KCNAB2: variants seen among roughly 807,000 people sequenced by gnomAD.
KCNAB2 encodes the protein voltage-gated potassium channel subunit beta-2.
In KCNAB2, 29 loss-of-function variants were observed where a neutral mutation model predicts 63.6. The observed-to-expected ratio is 0.46, with a 90% CI of 0.34 to 0.62. The LOEUF (loss-of-function observed/expected upper bound fraction) is 0.62. Ranked by LOEUF, KCNAB2 falls within the 20% of genes least tolerant of loss-of-function variation. KCNAB2 has a pLI of 0.01. For synonymous variants in KCNAB2, 222 were observed against 224.2 expected (o/e 0.99, Z 0.09); for missense variants, 359 against 563.9 (o/e 0.64, Z 3.68).
At chr1:6,050,474 A>G (rs914865407) in intron 1 of KCNAB2, among the ~76,000 whole-genome samples, 2 of 152,172 alleles carry the variant, frequency 1.3e-5, no homozygotes, top group African/African-American at 4.8e-5. Flanking sequence ...GGCTGCCCTC[A>G]CTGGTCCACT....
chr1:6,086,183 G>T lies in KCNAB2; in HGVS notation c.425+935G>T. The T allele has an allele frequency of 1.0e-6, 1 of 985,320 alleles. No homozygotes were observed. Among genetic ancestry groups the T allele is most frequent in the Non-Finnish European group, 1.2e-6 (1 of 829,880 alleles). The allele number at this position is 985,320 out of a possible 1,614,324, so 61.0% of individuals were successfully genotyped here. On this transcript the variant is annotated intron_variant, in intron 6 of 15. Coordinates refer to ENST00000378083, the MANE Select transcript of KCNAB2 (RefSeq NM_001199862.2). The surrounding 1 kb of genome is among the most constrained non-coding windows in gnomAD (Gnocchi z 4.2). ...AAACATCAGAAGCAGTTATAAAGTT[G>T]GGCCTCCCTCCTCCCTCCCCTCGAA...
chr1:5,994,375 C>T lies in KCNAB2; in HGVS notation c.-53+1587C>T, dbSNP rs1656812781. ...TGTGCAGCTCCTGGCCCTGTGCTCT[C>T]GCAGTGTGGGGCCCTAAGAGTGCAC... is the stretch of plus-strand genomic sequence containing the variant. On this transcript the variant is annotated intron_variant, in intron 1 of 16. Transcript: ENST00000341524. The surrounding 1 kb of genome is among the most constrained non-coding windows in gnomAD (Gnocchi z 5.4). Among the ~76,000 whole-genome samples, 1 of 152,230 alleles carries T rather than the reference C, an allele frequency of 6.6e-6. No individual in the cohort carries two copies. Among genetic ancestry groups the T allele is most frequent in the African/African-American group, 2.4e-5 (1 of 41,448 alleles).
rs1303009489 is a variant in KCNAB2 at position 6,087,556 on chromosome 1, C to T, written c.470+45C>T. 1.2e-6 allele frequency: 2 copies of T among 1,602,766 alleles called. No homozygotes were observed. The highest frequency in any genetic ancestry group is 1.7e-5 in the Admixed American group (1 of 59,950). ...ATGCTTCCAGCCCCGGCCCAGCAGC[C>T]ACGGCCCCGTGCTCCCCAGAGACCC... is the stretch of plus-strand genomic sequence containing the variant. On this transcript the variant is annotated intron_variant, in intron 7 of 15. Coordinates refer to ENST00000378083, the MANE Select transcript of KCNAB2 (RefSeq NM_001199862.2). The surrounding 1 kb of genome is among the most constrained non-coding windows in gnomAD (Gnocchi z 6.4).
At chr1:6,064,071 T>C (rs1662544290) in intron 2 of KCNAB2, among the ~76,000 whole-genome samples, 1 of 152,186 alleles carries the variant, frequency 6.6e-6, no homozygotes, top group African/African-American at 2.4e-5. Context: ...TGCCAGCCTT[T>C]GTGGGATCCG....
intron 1 of KCNAB2, among the ~76,000 whole-genome samples, chr1:6,016,175 T>G (rs934279757): frequency 6.6e-6 from 1 of 152,196 alleles, no homozygotes. Flanking sequence ...TGCTGCCTGC[T>G]GACAGCTTCA....
chr1:6,094,195 T>C (rs923879445), intron 10 of KCNAB2, among the ~76,000 whole-genome samples: 6 of 152,130 alleles, frequency 3.9e-5, no homozygotes, highest in African/African-American at 1.4e-4. Context: ...ACGACCAACT[T>C]CTAGGATTGT....
chr1:6,075,206 C>T (rs184596109), intron 4 of KCNAB2, among the ~76,000 whole-genome samples: 118 of 152,278 alleles, frequency 7.7e-4, no homozygotes, highest in Middle Eastern at 3.4e-3. Flanking sequence ...TTCTGTAGAA[C>T]GGCATAACTT....
chr1:6,005,697 T>C (rs1171467696), intron 1 of KCNAB2, among the ~76,000 whole-genome samples: 5 of 151,902 alleles, frequency 3.3e-5, no homozygotes, highest in Non-Finnish European at 5.9e-5. Context: ...GGTCTGTCTT[T>C]TCCCAGCGGT....
intron 1 of KCNAB2, among the ~76,000 whole-genome samples, chr1:6,015,035 T>TG (rs1658408811): frequency 3.8e-5 from 5 of 131,990 alleles, no homozygotes; most frequent in South Asian, 2.4e-4. Flanking sequence ...TTTTTTTTTT[T>TG]TTTTTTTGTT....
intron 1 of KCNAB2, among the ~76,000 whole-genome samples, chr1:5,997,522 C>T (rs535669455): frequency 2.0e-5 from 3 of 152,298 alleles, no homozygotes; most frequent in African/African-American, 7.2e-5. Flanking sequence ...CCCTGGGCAC[C>T]GAGTGGGTTG....
chr1:6,007,996 G>A (rs533279806), intron 1 of KCNAB2, among the ~76,000 whole-genome samples: 1 of 152,172 alleles, frequency 6.6e-6, no homozygotes, highest in Non-Finnish European at 1.5e-5. Flanking sequence ...TGCAGATGCT[G>A]CCTGGAGCTG....
intron 1 of KCNAB2, among the ~76,000 whole-genome samples, chr1:5,997,942 C>T (rs1238356933): frequency 6.6e-6 from 1 of 152,276 alleles, no homozygotes; most frequent in Non-Finnish European, 1.5e-5. Flanking sequence ...CCTCCCTCCT[C>T]TAGGGCTGAG....
chr1:6,005,920 A>G (rs112750563), intron 1 of KCNAB2, among the ~76,000 whole-genome samples: 6,649 of 100,404 alleles, frequency 0.066, 446 homozygotes, highest in African/African-American at 0.15. Flanking sequence ...CAGCTCCCAC[A>G]TCCCCCCACT....
chr1:6,009,978 C>T (rs1201988688), intron 1 of KCNAB2, among the ~76,000 whole-genome samples: 1 of 151,676 alleles, frequency 6.6e-6, no homozygotes, highest in African/African-American at 2.4e-5. Context: ...TCAGGCGATT[C>T]TCCTGCCTCG....
Position 6,099,639 on chromosome 1 carries a change from G to A in KCNAB2, c.*1065G>A, listed in dbSNP as rs1271257647. 3 of 1,010,160 alleles carry A rather than the reference G, an allele frequency of 3.0e-6. No homozygotes were observed. Among genetic ancestry groups the A allele is most frequent in the Non-Finnish European group, 4.1e-6 (3 of 726,552 alleles). 62.6% of individuals were successfully genotyped at this position (1,010,160 alleles called of 1,614,324 possible). On this transcript the variant is annotated 3_prime_UTR_variant, in exon 16 of 16. Coordinates refer to ENST00000378083, the MANE Select transcript of KCNAB2 (RefSeq NM_001199862.2). ...CACCGAGCTGGTGGGCTTGGGTTTT[G>A]TGGAGCGCATGCTTGGACCCTTTCA... is the stretch of plus-strand genomic sequence containing the variant.
upstream of KCNAB2, among the ~76,000 whole-genome samples, chr1:6,044,781 G>T (rs191458246): frequency 1.3e-5 from 2 of 152,144 alleles, no homozygotes; most frequent in African/African-American, 4.8e-5. Flanking sequence ...GGTGCAGGAC[G>T]GCTGAGCTCC....
intron 2 of KCNAB2, among the ~76,000 whole-genome samples, chr1:6,056,981 G>T (rs1557462560): frequency 6.6e-6 from 1 of 151,950 alleles, no homozygotes; most frequent in Non-Finnish European, 1.5e-5. Flanking sequence ...CATCTGCACT[G>T]CTTTGAGATC....
intron 2 of KCNAB2, among the ~76,000 whole-genome samples, chr1:6,056,689 C>G (rs953114044): frequency 6.6e-6 from 1 of 152,212 alleles, no homozygotes; most frequent in Non-Finnish European, 1.5e-5. Flanking sequence ...GGACCCCTCT[C>G]CCTCCCGCTC....
chr1:6,098,107 G>A (rs1033373994), intron 15 of KCNAB2: 32 of 994,526 alleles, frequency 3.2e-5, no homozygotes, highest in South Asian at 1.3e-4. Flanking sequence ...GTCGGTCCCC[G>A]GGTGTGTCAC....
Sources: allele counts gnomAD v4.1 joint callset (sites outside exome capture counted in the v4.1 genomes callset), GRCh38; gene constraint gnomAD v4.1.1; non-coding constraint Gnocchi (gnomAD v3.1); transcripts MANE v1.5; gene names NCBI Gene and HGNC (gene_info 2026-07-23, HGNC 2026-07-21).